The following TCF20 variants were observed in gnomAD, a reference collection of about 807,000 sequenced individuals.
TCF20 encodes the protein transcription factor 20.
A neutral mutation model predicts 148.6 loss-of-function variants in TCF20; 3 were observed. The ratio of observed to expected loss-of-function variants is 0.02; its 90% confidence interval spans 0.01 to 0.05. TCF20 has a LOEUF of 0.05. Ranked by LOEUF, TCF20 falls within the 10% of genes least tolerant of loss-of-function variation. The pLI is 1.00. For missense variants in TCF20, 2,350 were observed against 2,429.3 expected (o/e 0.97, Z 0.69); for synonymous variants, 1,049 against 909.5 (o/e 1.15, Z -2.76).
intron 1 of TCF20, among the ~76,000 whole-genome samples, chr22:42,255,646 A>T (rs751782992): frequency 1.3e-5 from 2 of 152,144 alleles, no homozygotes; most frequent in Non-Finnish European, 2.9e-5. Context: ...ATTTAAACCA[A>T]TTGCTAAATT....
chr22:42,202,140 C>T (rs1002914230), intron 2 of TCF20, among the ~76,000 whole-genome samples: 1 of 152,184 alleles, frequency 6.6e-6, no homozygotes, highest in Non-Finnish European at 1.5e-5. Context: ...ACACCCCTGG[C>T]AAGATGAGCT....
intron 1 of TCF20, among the ~76,000 whole-genome samples, chr22:42,305,354 C>A (rs1421858768): frequency 6.6e-6 from 1 of 152,126 alleles, no homozygotes; most frequent in Non-Finnish European, 1.5e-5. Flanking sequence ...AAACATGGGG[C>A]CATCCCACCC....
chr22:42,169,761 CCCA>C, intron 4 of TCF20, 83 bp downstream of exon 4: 1 of 1,436,360 alleles, frequency 7.0e-7, no homozygotes, highest in African/African-American at 1.4e-5. Flanking sequence ...GTGGGTGAGG[CCCA>C]CCAACACCTG....
chr22:42,267,197 G>A (rs553824560), intron 1 of TCF20, among the ~76,000 whole-genome samples: 1 of 152,258 alleles, frequency 6.6e-6, no homozygotes, highest in South Asian at 2.1e-4. Flanking sequence ...AACCCTGGAG[G>A]CTGAGGTTGC....
chr22:42,295,471 T>C (rs1366702355), intron 1 of TCF20, among the ~76,000 whole-genome samples: 2 of 150,508 alleles, frequency 1.3e-5, no homozygotes, highest in Admixed American at 6.6e-5. Flanking sequence ...GAGACAGAGT[T>C]TTGCTCTTGT....
chr22:42,179,108 A>G (rs2147092303), intron 3 of TCF20, among the ~76,000 whole-genome samples: 1 of 152,178 alleles, frequency 6.6e-6, no homozygotes, highest in East Asian at 1.9e-4. Context: ...GAGAACACTC[A>G]TGCACTGCCA....
At chr22:42,218,441 A>G (rs1368801975) in intron 1 of TCF20, among the ~76,000 whole-genome samples, 1 of 152,116 alleles carries the variant, frequency 6.6e-6, no homozygotes, top group Non-Finnish European at 1.5e-5. Context: ...TGTCTACATG[A>G]GTATTAATTT....
intron 1 of TCF20, among the ~76,000 whole-genome samples, chr22:42,316,493 G>A (rs1927633920): frequency 6.6e-6 from 1 of 152,166 alleles, no homozygotes; most frequent in Admixed American, 6.5e-5. Context: ...GAGGGTCAGA[G>A]AAGGGCGAGG....
At chr22:42,209,610 A>C (rs1355345782) in intron 2 of TCF20, 41 bp downstream of exon 2, 3 of 1,541,626 alleles carry the variant, frequency 1.9e-6, no homozygotes, top group Non-Finnish European at 1.7e-6. Flanking sequence ...GAACCAAATG[A>C]AATAAAAATC....
chr22:42,294,006 C>T (rs560096570), intron 1 of TCF20, among the ~76,000 whole-genome samples: 13 of 152,318 alleles, frequency 8.5e-5, no homozygotes, highest in Non-Finnish European at 1.5e-4. Flanking sequence ...TCTCAAAGAA[C>T]GCCCTCAGCT....
rs534243871 is a variant in TCF20, at chr22:42,327,694, A to AC, written c.-37+15784_-37+15785insG. 9.1e-3 allele frequency among the ~76,000 whole-genome samples: 1,381 copies of AC among 151,786 alleles called. 7 individuals carry two copies. The highest frequency in any genetic ancestry group is 0.015 in the Non-Finnish European group (1,030 of 67,936). On this transcript the variant is annotated intron_variant, in intron 1 of 1. Transcript: ENST00000515426. ...AGACTGAATGCAGAGGAAGAGGTGGAGCTGGGCTGTGAACCCTGAGACTTC... is the reference window on the plus strand; with the variant it reads ...AGACTGAATGCAGAGGAAGAGGTGGACGCTGGGCTGTGAACCCTGAGACTTC...
intron 2 of TCF20, among the ~76,000 whole-genome samples, chr22:42,207,019 T>C (rs1187445418): frequency 6.6e-6 from 1 of 152,118 alleles, no homozygotes; most frequent in African/African-American, 2.4e-5. Context: ...CAGACAGTAA[T>C]GATGAGTGCA....
At chr22:42,189,117 C>A (rs1040902427) in intron 2 of TCF20, among the ~76,000 whole-genome samples, 2 of 152,134 alleles carry the variant, frequency 1.3e-5, no homozygotes, top group Admixed American at 1.3e-4. Context: ...TATGCAGGAA[C>A]CCAGGGCCAA....
At position 42,211,349 on chromosome 22, in the gene TCF20, G is replaced by C. The variant is rs1569146119; in HGVS notation, c.3957C>G (p.Asp1319Glu). 1.2e-6 allele frequency: 2 copies of C among 1,614,170 alleles called. No homozygotes were observed. Among genetic ancestry groups the C allele is most frequent in the South Asian group, 2.2e-5 (2 of 91,070 alleles). Residue 1319 changes from aspartate (D) to glutamate (E), a missense_variant, in exon 2 of 6, where the codon GAC becomes GAG. Around this residue, in one of 7 missense-constraint regions of TCF20, gnomAD observed 1,641 missense variants for 1,662.6 expected, o/e 0.99. Transcript: ENST00000677622. ...KSIPKRDSSKDLPSPDSRNCP... is the reference protein window; with the variant it reads ...KSIPKRDSSKELPSPDSRNCP... ...AGTTTCTACTATCTGGACTTGGAAG[G>C]TCCTTGGAGGAATCTCTCTTAGGGA...
At chr22:42,173,556 G>A (rs900071511) in intron 3 of TCF20, among the ~76,000 whole-genome samples, 5 of 152,128 alleles carry the variant, frequency 3.3e-5, no homozygotes, top group Admixed American at 1.3e-4. Context: ...GGGAGGTTAG[G>A]GATTCTCAAA....
At chr22:42,226,766 T>A (rs1039783409) in intron 1 of TCF20, among the ~76,000 whole-genome samples, 6 of 152,100 alleles carry the variant, frequency 3.9e-5, no homozygotes, top group Middle Eastern at 6.3e-3. Flanking sequence ...ATTCAAAAGA[T>A]ATCAATGACC....
chr22:42,219,504 TAGTA>T (rs1202094213), intron 1 of TCF20, among the ~76,000 whole-genome samples: 3 of 150,800 alleles, frequency 2.0e-5, no homozygotes, highest in East Asian at 1.9e-4. Context: ...TGAATACAAA[TAGTA>T]AGGAAAATCT....
intron 1 of TCF20, among the ~76,000 whole-genome samples, chr22:42,246,262 G>A (rs889373318): frequency 1.3e-5 from 2 of 152,054 alleles, no homozygotes; most frequent in Admixed American, 6.5e-5. Flanking sequence ...ATGCCACCAC[G>A]CCCAGCTAAC....
intron 5 of TCF20, 74 bp downstream of exon 5, chr22:42,168,535 G>A (rs185424896): frequency 9.8e-6 from 15 of 1,523,218 alleles, no homozygotes; most frequent in South Asian, 4.9e-5. Flanking sequence ...AGCATAGAGC[G>A]AGCAGGAGGG....
Sources: gnomAD v4.1 joint callset for allele counts (sites outside exome capture counted in the v4.1 genomes callset) on GRCh38, gnomAD v4.1.1 for gene constraint, gnomAD v4.1.1 regional missense constraint, MANE v1.5 for transcripts, NCBI Gene and HGNC (gene_info 2026-07-23, HGNC 2026-07-21) for gene names.